Variants in ABCA9 observed in about 807,000 individuals in gnomAD.
The protein encoded by ABCA9 is ATP binding cassette subfamily A member 9.
A neutral mutation model predicts 205.3 loss-of-function variants in ABCA9; 183 were observed. That is an observed-to-expected ratio of 0.89 (90% CI 0.79 to 1.01). ABCA9 has a LOEUF of 1.01. ABCA9 is among the 50% of genes least tolerant of loss of function. The pLI, the probability that ABCA9 is intolerant of heterozygous loss-of-function variation, is 0.00. For synonymous variants in ABCA9, 651 were observed against 683.3 expected, an observed-to-expected ratio of 0.95 and a Z score of 0.74; for missense variants, 1,805 against 1,912.4, an observed-to-expected ratio of 0.94 and a Z score of 1.05.
chr17:68,992,861 GTGTGTGTGCACGCATGCATGCATGTGCA>G, intron 27 of ABCA9, among the ~76,000 whole-genome samples, 127 bp downstream of exon 27: 1 of 150,944 alleles, frequency 6.6e-6, no homozygotes, highest in African/African-American at 2.5e-5. Context: ...TCGTGTGTGT[GTGTGTGTGCACGCATGCATGCATGTGCA>G]TGTGTGTGTT....
chr17:68,981,835 C>CAAAAAAAAAAAAAAAAAAAAAAAAAAA (rs398041827), intron 37 of ABCA9, among the ~76,000 whole-genome samples: 1 of 51,650 alleles, frequency 1.9e-5, no homozygotes, highest in Non-Finnish European at 3.2e-5. Context: ...AACTCTTTCT[C>CAAAAAAAAAAAAAAAAAAAAAAAAAAA]AAAAAAAAAA....
At chr17:69,024,968 G>A (rs959452044) in intron 16 of ABCA9, among the ~76,000 whole-genome samples, 3 of 152,090 alleles carry the variant, frequency 2.0e-5, no homozygotes, top group Non-Finnish European at 4.4e-5. Flanking sequence ...AGGTGCTGAG[G>A]TGACAGAGTG....
At chr17:69,001,290 C>T (rs1307490894) in intron 25 of ABCA9, among the ~76,000 whole-genome samples, 1 of 152,032 alleles carries the variant, frequency 6.6e-6, no homozygotes, top group Non-Finnish European at 1.5e-5. Flanking sequence ...TTGAATGTCC[C>T]ATCAATACCT....
At chr17:69,078,124 G>T in the ABCA9 span, among the ~76,000 whole-genome samples, 1 of 151,638 alleles carries the variant, frequency 6.6e-6, no homozygotes, top group Admixed American at 6.6e-5. Context: ...AGGTATAATG[G>T]AACTACTTTT....
chr17:68,999,614 T>C (rs1207586899), intron 25 of ABCA9, among the ~76,000 whole-genome samples: 4 of 150,868 alleles, frequency 2.7e-5, no homozygotes, highest in Non-Finnish European at 5.9e-5. Flanking sequence ...TATAGCAGCA[T>C]GATTTATAGT....
chr17:69,051,264 C>A (rs931861050), intron 1 of ABCA9, 125 bp from the exon 2 acceptor site: 34 of 732,228 alleles, frequency 4.6e-5, no homozygotes, highest in African/African-American at 3.2e-4. Flanking sequence ...AAGAAGAAAG[C>A]CAAAAGGCTA....
intron 15 of ABCA9, 54 bp downstream of exon 15, chr17:69,026,922 T>C (rs1481559360): frequency 1.3e-6 from 2 of 1,594,430 alleles, no homozygotes; most frequent in African/African-American, 1.3e-5. Context: ...CCTGTTCATA[T>C]TCCACACTGT....
At chr17:69,060,585 C>A (rs2072211925) in intron 1 of ABCA9, among the ~76,000 whole-genome samples, 1 of 150,920 alleles carries the variant, frequency 6.6e-6, no homozygotes, top group Non-Finnish European at 1.5e-5. Flanking sequence ...TGTAAAGAAG[C>A]AACATAACGT....
rs780214485 is a variant in ABCA9 at position 69,008,137 on chromosome 17, G to C, written c.3246C>G (p.Leu1082=). The change falls in exon 24 of 39, where the codon CTC becomes CTG. Residue 1082 remains leucine (L), a synonymous_variant. Coordinates refer to ENST00000340001, the MANE Select transcript of ABCA9 (RefSeq NM_080283.4). ...LVDVSLYFLI[L]LLMQIMDYIF... is the part of the protein sequence containing the mutation. Reference sequence around the variant, plus strand: ...TATAATCCATTATTTGCATTAGCAGGAGGATCAAAAAGTACAGGGAAACAT... The same window carrying C: ...TATAATCCATTATTTGCATTAGCAGCAGGATCAAAAAGTACAGGGAAACAT... 6.2e-7 allele frequency: 1 copy of C among 1,613,094 alleles called. No homozygotes were observed. The highest frequency in any genetic ancestry group is 8.5e-7 in the Non-Finnish European group (1 of 1,179,074).
chr17:69,006,941 A>G (rs988094134), intron 25 of ABCA9, among the ~76,000 whole-genome samples: 5 of 152,218 alleles, frequency 3.3e-5, no homozygotes, highest in African/African-American at 4.8e-5. Flanking sequence ...GTATGAAAGC[A>G]TAGGCAATGG....
chr17:69,063,713 C>T (rs1202051408), upstream of ABCA9, among the ~76,000 whole-genome samples: 2 of 152,108 alleles, frequency 1.3e-5, no homozygotes, highest in South Asian at 2.1e-4. Flanking sequence ...GCTGGAACTA[C>T]AGGCGCCCGC....
In ABCA9 at chr17:68,983,797, G is replaced by T. The variant is rs201197171; in HGVS notation, c.4552C>A (p.Leu1518Met). The T allele has an allele frequency of 1.2e-6, 2 of 1,614,182 alleles. No individual in the cohort carries two copies. The highest frequency in any genetic ancestry group is 1.7e-6 in the Non-Finnish European group (2 of 1,180,034). ...LKSKFGKDYLLEMKLKNLAQM... is the reference protein window; with the variant it reads ...LKSKFGKDYLMEMKLKNLAQM... ...GCCAGGTTCTTCAGCTTCATCTCCA[G>T]CAGGTAGTCTTTGCCAAATTTGCTT... is the stretch of plus-strand genomic sequence containing the variant. The change falls in exon 36 of 39, where the codon CTG becomes ATG. Residue 1518 changes from leucine (L) to methionine (M), a missense_variant. By Grantham distance (15) the Leu-to-Met change is conservative (BLOSUM62 2). Coordinates refer to ENST00000340001, the MANE Select transcript of ABCA9 (RefSeq NM_080283.4).
intron 1 of ABCA9, among the ~76,000 whole-genome samples, chr17:69,059,465 G>T (rs1357695022): frequency 6.6e-6 from 1 of 151,930 alleles, no homozygotes; most frequent in Non-Finnish European, 1.5e-5. Flanking sequence ...GAAGATGGAG[G>T]AGGAAGACCA....
At chr17:69,058,971 T>TA (rs1392308965) in intron 1 of ABCA9, among the ~76,000 whole-genome samples, 1 of 152,092 alleles carries the variant, frequency 6.6e-6, no homozygotes, top group African/African-American at 2.4e-5. Context: ...TCACGTCTTA[T>TA]ATGGTGCCAG....
At chr17:69,042,260 T>C (rs1442104504) in intron 6 of ABCA9, 1 of 152,242 alleles carries the variant, frequency 6.6e-6, no homozygotes, top group Non-Finnish European at 1.5e-5. Context: ...AACCACCATG[T>C]AAAACATTTT....
At chr17:69,046,321 C>T (rs568785647) in intron 3 of ABCA9, among the ~76,000 whole-genome samples, 1 of 152,190 alleles carries the variant, frequency 6.6e-6, no homozygotes, top group Admixed American at 6.5e-5. Context: ...TGCAATTCAG[C>T]AAGTTCTTTT....
intron 25 of ABCA9, among the ~76,000 whole-genome samples, chr17:69,003,042 GCA>G (rs1275702087): frequency 6.7e-6 from 1 of 150,202 alleles, no homozygotes. Context: ...CCTGAATACA[GCA>G]CACTGATGGG....
Position 69,017,608 on chromosome 17 carries a change from A to AC in ABCA9, c.2901+47dup, listed in dbSNP as rs750249249. On this transcript the variant is annotated intron_variant, in intron 21 of 38. Transcript: ENST00000340001. The stretch of plus-strand genomic sequence containing the variant: ...CTGATATGAATTATTCAAATTGTAC[A>AC]CCCATAGTCCACCTTTGGTGAAATG... 9 of 1,601,702 alleles carry AC rather than the reference A, an allele frequency of 5.6e-6. No individual in the cohort carries two copies. The East Asian group carries it at 1.1e-4, about 20-fold the overall frequency.
chr17:69,043,688 G>A lies in ABCA9; in HGVS notation c.601C>T (p.Gln201Ter), dbSNP rs2071622096. 1 of 1,604,704 alleles carries A rather than the reference G, an allele frequency of 6.2e-7. No individual in the cohort carries two copies. The highest frequency in any genetic ancestry group is 8.5e-7 in the Non-Finnish European group (1 of 1,177,140). The change falls in exon 6 of 39, where the codon CAG becomes TAG. Residue 201 changes from glutamine to a stop codon, truncating the protein, a stop_gained. Transcript: ENST00000340001. LOFTEE classifies it high-confidence loss of function. ...EIATNHSVME[Q>*]LMSVTGVHMK... ...TGTACACCAGTAACTGACATCAGCT[G>A]TTCCATCACTGAATGATTTGTTGCG... is the stretch of plus-strand genomic sequence containing the variant.
Sources: allele counts gnomAD v4.1 joint callset (sites outside exome capture counted in the v4.1 genomes callset), GRCh38; gene constraint gnomAD v4.1.1; transcripts MANE v1.5; gene names NCBI Gene and HGNC (gene_info 2026-07-23, HGNC 2026-07-21).